TSEN15: variants seen among roughly 807,000 people sequenced by gnomAD.
TSEN15 encodes the protein tRNA splicing endonuclease subunit 15, also known as tRNA-splicing endonuclease subunit Sen15.
TSEN15 carries 10 observed loss-of-function variants against 20.5 expected under a neutral mutation model. The observed-to-expected ratio is 0.49, with a 90% CI of 0.30 to 0.83. TSEN15 has a LOEUF of 0.83. Ranked by LOEUF, TSEN15 falls within the 40% of genes least tolerant of loss-of-function variation. The pLI, the probability that TSEN15 is intolerant of heterozygous loss-of-function variation, is 0.06. For synonymous variants in TSEN15, 72 were observed against 80.1 expected (o/e 0.90, Z 0.54); for missense variants, 180 against 218.6 (o/e 0.82, Z 1.11).
Position 184,051,783 on chromosome 1 carries a change from A to AC in TSEN15, c.33dup (p.Gly12ArgfsTer25), listed in dbSNP as rs1234961606. 11 of 1,515,764 alleles carry AC rather than the reference A, an allele frequency of 7.3e-6. No individual in the cohort carries two copies. Among genetic ancestry groups the AC allele is most frequent in the Non-Finnish European group, 9.7e-6 (11 of 1,132,458 alleles). 93.9% of individuals were successfully genotyped at this position (1,515,764 alleles called of 1,614,324 possible). A position where few individuals can be genotyped will look rare whatever the true frequency, so the allele number is the denominator to read the frequency against. ...GGAGGAGCGCGGCGATTCCGAGCCG[A>AC]CCCCCGGCTGCAGCGGCCTGGGTCC... On this transcript the variant is annotated frameshift_variant, in exon 1 of 5. Transcript: ENST00000645668. LOFTEE classifies it high-confidence loss of function.
intron 1 of TSEN15, among the ~76,000 whole-genome samples, chr1:184,052,432 A>AT (rs1650088709): frequency 6.6e-6 from 1 of 152,072 alleles, no homozygotes; most frequent in African/African-American, 2.4e-5. Flanking sequence ...TTTTGCGTGT[A>AT]TTTTTCTAGA....
intron 3 of TSEN15, among the ~76,000 whole-genome samples, chr1:184,081,511 A>G (rs1331030044): frequency 6.6e-6 from 1 of 152,178 alleles, no homozygotes; most frequent in Non-Finnish European, 1.5e-5. Flanking sequence ...TACCTCAAGA[A>G]AGAGGGGAAG....
intron 3 of TSEN15, chr1:184,070,963 C>T (rs2102893824): frequency 6.2e-6 from 1 of 160,088 alleles, no homozygotes; most frequent in Admixed American, 6.1e-5. Flanking sequence ...GGTTAGTATT[C>T]AGTTTTAGCA....
At chr1:184,062,500 T>G (rs1253725068) in intron 3 of TSEN15, among the ~76,000 whole-genome samples, 2 of 152,140 alleles carry the variant, frequency 1.3e-5, no homozygotes, top group Non-Finnish European at 2.9e-5. Flanking sequence ...TGAAGTCAAA[T>G]TTATGTTCAG....
At chr1:184,054,928 T>G (rs956556634) in intron 3 of TSEN15, 65 bp downstream of exon 3, 1 of 1,528,062 alleles carries the variant, frequency 6.5e-7, no homozygotes, top group African/African-American at 1.4e-5. Context: ...TTAAACATAG[T>G]GATGTAATAC....
In TSEN15 at chr1:184,073,642, T is replaced by C. The variant is rs577527281; in HGVS notation, c.*795T>C. Reference sequence around the variant, plus strand: ...AAATTGTACAAAGTATAAAAAATTATATGCACAAAGATGTTCCAAGTGACA... The same window carrying C: ...AAATTGTACAAAGTATAAAAAATTACATGCACAAAGATGTTCCAAGTGACA... On this transcript the variant is annotated 3_prime_UTR_variant, in exon 5 of 5. Transcript: ENST00000645668. 1 of 152,738 alleles carries C rather than the reference T, an allele frequency of 6.5e-6. No homozygotes were observed. The highest frequency in any genetic ancestry group is 6.5e-5 in the Admixed American group (1 of 15,272). The allele number at this position is 152,738 out of a possible 1,614,324, so 9.5% of individuals were successfully genotyped here.
At chr1:184,054,047 T>C (rs1293300943) in intron 1 of TSEN15, among the ~76,000 whole-genome samples, 1 of 152,252 alleles carries the variant, frequency 6.6e-6, no homozygotes, top group Non-Finnish European at 1.5e-5. Flanking sequence ...ACCTCTGCTA[T>C]AAATCTTTCA....
chr1:184,077,094 A>G (rs1207806658), downstream of TSEN15, among the ~76,000 whole-genome samples: 1 of 152,168 alleles, frequency 6.6e-6, no homozygotes, highest in East Asian at 1.9e-4. Context: ...AATGCCATCT[A>G]GGACTTTCAT....
intron 1 of TSEN15, among the ~76,000 whole-genome samples, chr1:184,052,460 C>A (rs553158249): frequency 2.6e-5 from 4 of 152,200 alleles, no homozygotes; most frequent in Admixed American, 2.6e-4. Context: ...CAGGCGAGAT[C>A]AAGATAGTCC....
chr1:184,056,620 A>G (rs1046793595), intron 3 of TSEN15, among the ~76,000 whole-genome samples: 5 of 152,136 alleles, frequency 3.3e-5, no homozygotes, highest in Non-Finnish European at 7.4e-5. Flanking sequence ...ACGGTCTAAA[A>G]AATACTTATA....
At chr1:184,092,726 A>G (rs1312464140) in intron 3 of TSEN15, among the ~76,000 whole-genome samples, 1 of 152,186 alleles carries the variant, frequency 6.6e-6, no homozygotes, top group African/African-American at 2.4e-5. Flanking sequence ...CTTTCCTATC[A>G]GTGTTCTTCT....
At chr1:184,064,778 AT>A (rs1650586370) in intron 3 of TSEN15, among the ~76,000 whole-genome samples, 1 of 152,186 alleles carries the variant, frequency 6.6e-6, no homozygotes, top group Admixed American at 6.6e-5. Context: ...CAATGTGCAA[AT>A]CTGTAAGGAT....
At chr1:184,075,646 T>G (rs773080693), downstream of TSEN15, among the ~76,000 whole-genome samples, 96 of 152,216 alleles carry the variant, frequency 6.3e-4, no homozygotes, top group Admixed American at 3.1e-3. Context: ...CACAGCATTT[T>G]CAGACTCTAC....
Position 184,061,759 on chromosome 1 carries a change from T to A in TSEN15, c.353+6896T>A, listed in dbSNP as rs553670798. 5.9e-5 allele frequency among the ~76,000 whole-genome samples: 9 copies of A among 152,298 alleles called. No homozygotes were observed. The East Asian group carries it at 1.5e-3, about 26-fold the overall frequency. Reference sequence around the variant, plus strand: ...TTATATCTGTGTGCTATTCTAAGAATGCCTGAACAGTTTTTAGTGTCTGCT... The same window carrying A: ...TTATATCTGTGTGCTATTCTAAGAAAGCCTGAACAGTTTTTAGTGTCTGCT... On this transcript the variant is annotated intron_variant, in intron 3 of 4. Coordinates refer to ENST00000645668, the MANE Select transcript of TSEN15 (RefSeq NM_052965.4).
intron 1 of TSEN15, 101 bp downstream of exon 1, chr1:184,051,991 G>GAAGAA: frequency 2.5e-6 from 3 of 1,213,462 alleles, no homozygotes; most frequent in Non-Finnish European, 3.2e-6. Context: ...GGAGACTGAG[G>GAAGAA]ACGCGCGCCA....
chr1:184,064,530 A>C (rs928349424), intron 3 of TSEN15, among the ~76,000 whole-genome samples: 1 of 152,064 alleles, frequency 6.6e-6, no homozygotes, highest in South Asian at 2.1e-4. Flanking sequence ...AGAGACAGAC[A>C]TAGAAAAAAT....
At chr1:184,072,075 A>T in intron 3 of TSEN15, 82 bp from the exon 4 acceptor site, 1 of 1,411,226 alleles carries the variant, frequency 7.1e-7, no homozygotes, top group Non-Finnish European at 9.5e-7. Flanking sequence ...ACCTGTTTTC[A>T]AGTTTTCTAG....
At chr1:184,095,172 TG>T in intron 3 of TSEN15, 1 of 398,122 alleles carries the variant, frequency 2.5e-6, no homozygotes, top group Non-Finnish European at 4.4e-6. Context: ...AGAGTGCCCA[TG>T]GGTTCAGTGC....
In TSEN15 at chr1:184,073,437, G is replaced by A. The variant is rs1202707338; in HGVS notation, c.*590G>A. On this transcript the variant is annotated 3_prime_UTR_variant, in exon 5 of 5. Transcript: ENST00000645668. ...TATGTTCATCCAGAGTGTGTCTTAAGTAACTTACGTGTCTTAAGTAACAGG... is the reference window on the plus strand; with the variant it reads ...TATGTTCATCCAGAGTGTGTCTTAAATAACTTACGTGTCTTAAGTAACAGG... The A allele has an allele frequency of 6.6e-6, 1 of 152,344 alleles. No homozygotes were observed. The highest frequency in any genetic ancestry group is 1.9e-4 in the East Asian group (1 of 5,186). 9.4% of individuals were successfully genotyped at this position (152,344 alleles called of 1,614,324 possible). A position where few individuals can be genotyped will look rare whatever the true frequency, so the allele number is the denominator to read the frequency against.
Sources: gnomAD v4.1 joint callset for allele counts (sites outside exome capture counted in the v4.1 genomes callset) on GRCh38, gnomAD v4.1.1 for gene constraint, MANE v1.5 for transcripts, NCBI Gene and HGNC (gene_info 2026-07-23, HGNC 2026-07-21) for gene names.